The following KDELR2 variants were observed in gnomAD, a reference collection of about 807,000 sequenced individuals.
KDELR2 encodes KDEL endoplasmic reticulum protein retention receptor 2.
A neutral mutation model predicts 23.9 loss-of-function variants in KDELR2; 15 were observed. That is an observed-to-expected ratio of 0.63 (90% confidence interval 0.42 to 0.97). KDELR2 has a LOEUF of 0.97. KDELR2 is among the 50% of genes least tolerant of loss of function. The pLI is 0.00. For synonymous variants in KDELR2, 119 were observed against 106.2 expected (o/e 1.12, Z -0.74); for missense variants, 272 against 254.6 (o/e 1.07, Z -0.46).
Position 6,468,226 on chromosome 7 carries a change from TAG to T in KDELR2, c.351+1368_351+1369del, listed in dbSNP as rs1785543421. On this transcript the variant is annotated intron_variant, in intron 3 of 4. Transcript: ENST00000258739. ...TTTACACCAGTCATGAACATTGCAC[TAG>T]AGTTTGCCAAACCAGAAAATAAAAA... is the stretch of plus-strand genomic sequence containing the variant. 2.6e-5 allele frequency among the ~76,000 whole-genome samples: 4 copies of T among 152,316 alleles called. No individual in the cohort carries two copies. In the East Asian group the frequency reaches 5.8e-4, roughly 22 times the overall value.
At chr7:6,470,042 G>A (rs1266175284) in intron 2 of KDELR2, 2 of 263,258 alleles carry the variant, frequency 7.6e-6, no homozygotes, top group East Asian at 1.6e-4. Flanking sequence ...CTCCTGCAGT[G>A]CAATCACACT....
intron 2 of KDELR2, among the ~76,000 whole-genome samples, chr7:6,471,175 G>GTTTTTTT (rs1562500241): frequency 8.5e-6 from 1 of 117,190 alleles, no homozygotes; most frequent in African/African-American, 3.0e-5. Context: ...CATTTGTTTC[G>GTTTTTTT]GTTTTTTTTT....
In KDELR2 at chr7:6,469,609, A is replaced by T; in HGVS notation, c.338T>A (p.Phe113Tyr). 1 of 1,613,958 alleles carries T rather than the reference A, an allele frequency of 6.2e-7. No individual in the cohort carries two copies. Among genetic ancestry groups the T allele is most frequent in the South Asian group, 1.1e-5 (1 of 91,066 alleles). ...TTTTAAACTAACCTCAAGAGGAGAG[A>T]AATCGTGATTAACTAAAAATGAGAG... ...GGLSFLVNHD[F>Y]SPLEILWTFS... Residue 113 changes from phenylalanine (F) to tyrosine (Y), a missense_variant, in exon 3 of 5, where the codon TTC (phenylalanine) becomes TAC (tyrosine). Transcript: ENST00000258739.
At chr7:6,471,802 G>A (rs1018210386) in intron 2 of KDELR2, among the ~76,000 whole-genome samples, 2 of 152,302 alleles carry the variant, frequency 1.3e-5, no homozygotes, top group African/African-American at 2.4e-5. Flanking sequence ...AAGCTGCTGT[G>A]AACATTTGCG....
intron 1 of KDELR2, among the ~76,000 whole-genome samples, chr7:6,477,752 G>GGC (rs1785786254): frequency 1.3e-5 from 2 of 152,136 alleles, no homozygotes; most frequent in South Asian, 4.1e-4. Flanking sequence ...TGACCTCCTA[G>GGC]GCTCAAGCAA....
chr7:6,467,382 G>T (rs1034210262), intron 3 of KDELR2, among the ~76,000 whole-genome samples: 1 of 152,154 alleles, frequency 6.6e-6, no homozygotes, highest in Non-Finnish European at 1.5e-5. Flanking sequence ...AGTCACAACT[G>T]TAATTATGGA....
chr7:6,480,088 C>G (rs763432722), intron 1 of KDELR2, among the ~76,000 whole-genome samples: 13 of 152,302 alleles, frequency 8.5e-5, no homozygotes, highest in Non-Finnish European at 1.5e-4. Flanking sequence ...TAACAACAAT[C>G]TAAGCAACAG....
At chr7:6,466,438 G>A in intron 3 of KDELR2, 115 bp from the exon 4 acceptor site, 2 of 1,313,702 alleles carry the variant, frequency 1.5e-6, no homozygotes, top group Non-Finnish European at 2.1e-6. Flanking sequence ...AGTGGGGCAT[G>A]TCGGCCCAAA....
chr7:6,482,623 C>CG (rs1259370830), intron 1 of KDELR2: 1 of 463,158 alleles, frequency 2.2e-6, no homozygotes, highest in South Asian at 1.6e-5. Context: ...GTAAGTGTGA[C>CG]TTTAGACGCC....
intron 2 of KDELR2, among the ~76,000 whole-genome samples, chr7:6,473,173 T>C (rs1314409764): frequency 6.8e-6 from 1 of 146,596 alleles, no homozygotes. Flanking sequence ...TCCACCCACC[T>C]TGGCCTCCCA....
intron 2 of KDELR2, 42 bp downstream of exon 2, chr7:6,474,142 G>T: frequency 8.7e-7 from 1 of 1,154,422 alleles, no homozygotes; most frequent in Non-Finnish European, 1.3e-6. Flanking sequence ...ATAGACCTGT[G>T]CACTGTAGAT....
chr7:6,483,872 G>C (rs1362944890), intron 1 of KDELR2, 95 bp downstream of exon 1: 5 of 1,008,470 alleles, frequency 5.0e-6, no homozygotes, highest in Non-Finnish European at 6.4e-6. Flanking sequence ...GGCCGGCGCA[G>C]GCCCCGCGAG....
intron 1 of KDELR2, among the ~76,000 whole-genome samples, chr7:6,480,722 G>A (rs995533204): frequency 1.3e-5 from 2 of 152,106 alleles, no homozygotes; most frequent in Admixed American, 6.6e-5. Context: ...CTGGATGCAC[G>A]TTTCTCCTAT....
intron 1 of KDELR2, among the ~76,000 whole-genome samples, chr7:6,481,342 G>T (rs189083303): frequency 2.8e-4 from 33 of 118,754 alleles, no homozygotes; most frequent in Middle Eastern, 6.8e-3. Context: ...TCCAGCCTGG[G>T]ACACAAGATC....
chr7:6,465,452 G>C lies in KDELR2; in HGVS notation c.604+619C>G, dbSNP rs748460721. 2.3e-4 allele frequency among the ~76,000 whole-genome samples: 35 copies of C among 150,042 alleles called. No homozygotes were observed. The Middle Eastern group carries it at 0.014, about 58-fold the overall frequency. On this transcript the variant is annotated intron_variant, in intron 4 of 4. Transcript: ENST00000258739. ...CCCGCCTCGGCCTCCCAAAGTGCTC[G>C]ATTACAGGCGTGAGCCACTGCACCT...
At chr7:6,469,187 C>T (rs1456807297) in intron 3 of KDELR2, among the ~76,000 whole-genome samples, 1 of 151,442 alleles carries the variant, frequency 6.6e-6, no homozygotes, top group South Asian at 2.1e-4. Flanking sequence ...CTCCTGACCT[C>T]GTGATGTGCC....
At chr7:6,475,197 T>C (rs1357741761) in intron 1 of KDELR2, among the ~76,000 whole-genome samples, 3 of 152,074 alleles carry the variant, frequency 2.0e-5, no homozygotes, top group Non-Finnish European at 4.4e-5. Context: ...AATCTCCACA[T>C]ATAGGGGGGC....
rs1441668449 is a variant in KDELR2, at chr7:6,474,259, C to A, written c.117G>T (p.Leu39=). Residue 39 remains leucine, a synonymous_variant, in exon 2 of 5, where the codon CTG becomes CTT. Coordinates refer to ENST00000258739, the MANE Select transcript of KDELR2 (RefSeq NM_006854.4). ...CAGISGKSQL[L]FALVFTTRYL... ...AACGAGTTGTGAAGACCAGTGCAAA[C>A]AGAAGCTGGCTTTTCCCAGAAATAC... The A allele has an allele frequency of 1.2e-6, 2 of 1,613,542 alleles. No homozygotes were observed. The highest frequency in any genetic ancestry group is 1.3e-5 in the African/African-American group (1 of 74,876).
chr7:6,461,151 C>A lies in KDELR2; in HGVS notation c.*1990G>T, dbSNP rs1055413. The A allele has an allele frequency of 1.3e-5, 2 of 152,256 alleles. No homozygotes were observed. Among genetic ancestry groups the A allele is most frequent in the East Asian group, 3.9e-4 (2 of 5,182 alleles). 9.4% of individuals were successfully genotyped at this position (152,256 alleles called of 1,614,324 possible). A position where few individuals can be genotyped will look rare whatever the true frequency, so the allele number is the denominator to read the frequency against. On this transcript the variant is annotated 3_prime_UTR_variant, in exon 5 of 5. Transcript: ENST00000258739. ...AACTGTGAAACAGTGCTTCATAAGG[C>A]GTGGCATACAAGGCCTTGGTTTCCA...
Sources: allele counts gnomAD v4.1 joint callset (sites outside exome capture counted in the v4.1 genomes callset), GRCh38; gene constraint gnomAD v4.1.1; transcripts MANE v1.5; gene names NCBI Gene and HGNC (gene_info 2026-07-23, HGNC 2026-07-21).